Variants in MTMR1 observed in about 807,000 individuals in gnomAD.
MTMR1 encodes the protein phosphatidylinositol-3-phosphate phosphatase MTMR1.
MTMR1 carries 17 observed loss-of-function variants against 51.6 expected under a neutral mutation model. The ratio of observed to expected loss-of-function variants is 0.33; its 90% confidence interval spans 0.23 to 0.49. The LOEUF (loss-of-function observed/expected upper bound fraction) is 0.49. MTMR1 is among the 20% of genes least tolerant of loss of function. The probability of loss-of-function intolerance (pLI) is 0.99; values close to 1 mark genes in which losing one functional copy is unlikely to be tolerated. For synonymous variants in MTMR1, 201 were observed against 205.6 expected (o/e 0.98, Z 0.19); for missense variants, 386 against 526.9 (o/e 0.73, Z 2.62).
intron 12 of MTMR1, among the ~76,000 whole-genome samples, chrX:150,738,189 A>G (rs2042330882): frequency 8.9e-6 from 1 of 112,048 alleles, no homozygotes; most frequent in Admixed American, 9.4e-5. Flanking sequence ...CTTCATATAC[A>G]TTTGCCTTTT....
intron 1 of MTMR1, among the ~76,000 whole-genome samples, chrX:150,694,058 CCTCTT>C (rs1211785920): frequency 9.0e-6 from 1 of 111,697 alleles, no homozygotes; most frequent in Admixed American, 9.4e-5. Context: ...CCCGGGCTCT[CCTCTT>C]CTAGCATCAC....
chrX:150,702,675 C>T (rs2040958966), intron 2 of MTMR1, among the ~76,000 whole-genome samples: 1 of 111,400 alleles, frequency 9.0e-6, no homozygotes, highest in Admixed American at 9.5e-5. Flanking sequence ...GCACATCAGG[C>T]TTGTGATTTA....
chrX:150,735,092 A>G (rs1557417110), intron 10 of MTMR1, among the ~76,000 whole-genome samples: 1 of 112,124 alleles, frequency 8.9e-6, no homozygotes, highest in Non-Finnish European at 1.9e-5. Flanking sequence ...TGATGCAGCT[A>G]GAAGCTGAGG....
At chrX:150,754,659 T>C (rs782624181) in intron 14 of MTMR1, among the ~76,000 whole-genome samples, 152 of 112,136 alleles carry the variant, frequency 1.4e-3, no homozygotes, top group Non-Finnish European at 2.5e-3. Context: ...CCACAGCACA[T>C]TGTCCTCCAG....
intron 15 of MTMR1, among the ~76,000 whole-genome samples, chrX:150,757,779 G>T (rs1477469872): frequency 8.9e-6 from 1 of 112,102 alleles, no homozygotes; most frequent in African/African-American, 3.2e-5. Flanking sequence ...CACTAGCCAG[G>T]GAGCTGCTGG....
chrX:150,703,744 A>G (rs1364132264), intron 2 of MTMR1, among the ~76,000 whole-genome samples: 2 of 112,111 alleles, frequency 1.8e-5, no homozygotes, highest in African/African-American at 6.5e-5. Flanking sequence ...TCTGTAATCT[A>G]TAGCCTGGCC....
chrX:150,743,341 C>T (rs1328392341), intron 12 of MTMR1, among the ~76,000 whole-genome samples: 2 of 111,345 alleles, frequency 1.8e-5, no homozygotes, highest in Non-Finnish European at 3.8e-5. Flanking sequence ...TTAGAGGCTG[C>T]AGCAGGCTAT....
chrX:150,695,970 T>C (rs1297582661), intron 1 of MTMR1, among the ~76,000 whole-genome samples: 1 of 111,741 alleles, frequency 8.9e-6, no homozygotes, highest in Non-Finnish European at 1.9e-5. Context: ...ACCTCAGCTT[T>C]CTAGCGTGTG....
In MTMR1 at chrX:150,699,238, G is replaced by A. The variant is rs2040817273; in HGVS notation, c.190G>A (p.Ala64Thr). Residue 64 changes from alanine to threonine, a missense_variant, in exon 2 of 16, where the codon GCT (alanine) becomes ACT (threonine). Transcript: ENST00000445323. ...TGAATGGTGTAAACAGCTTATAGCT[G>A]CTACAATTTCTAGTCAGATTTCAGG... ...HVEWCKQLIA[A>T]TISSQISGSV... 3.3e-6 allele frequency: 4 copies of A among 1,205,306 alleles called. No individual in the cohort carries two copies. Among genetic ancestry groups the A allele is most frequent in the Non-Finnish European group, 4.5e-6 (4 of 892,611 alleles).
chrX:150,750,678 A>T, intron 13 of MTMR1, 52 bp from the exon 14 acceptor site: 1 of 789,979 alleles, frequency 1.3e-6, no homozygotes, highest in Admixed American at 2.9e-5. Context: ...AAGTAATATT[A>T]CTTTTAGAAA....
At chrX:150,738,961 T>C (rs1557417250) in intron 12 of MTMR1, among the ~76,000 whole-genome samples, 1 of 112,399 alleles carries the variant, frequency 8.9e-6, no homozygotes, top group Non-Finnish European at 1.9e-5. Context: ...TTCTGGTCTG[T>C]CTAGGCCATT....
At chrX:150,724,432 G>A (rs1307139501) in intron 4 of MTMR1, among the ~76,000 whole-genome samples, 1 of 110,158 alleles carries the variant, frequency 9.1e-6, no homozygotes, top group Non-Finnish European at 1.9e-5. Context: ...CTTTTTAATG[G>A]GGTTGTTTGT....
intron 15 of MTMR1, 76 bp from the exon 16 acceptor site, chrX:150,762,489 C>A: frequency 8.6e-7 from 1 of 1,163,972 alleles, no homozygotes; most frequent in Non-Finnish European, 1.2e-6. Flanking sequence ...GCTCCTGAAG[C>A]CAACAGCATC....
chrX:150,745,440 T>A (rs2042551177), intron 13 of MTMR1, among the ~76,000 whole-genome samples: 1 of 111,903 alleles, frequency 8.9e-6, no homozygotes, highest in Non-Finnish European at 1.9e-5. Flanking sequence ...TGCTCTTGAT[T>A]GATCCTCCCG....
At chrX:150,753,294 C>T (rs1452186217) in intron 14 of MTMR1, among the ~76,000 whole-genome samples, 1 of 112,120 alleles carries the variant, frequency 8.9e-6, no homozygotes, top group Non-Finnish European at 1.9e-5. Flanking sequence ...GCTACTATAA[C>T]TATTCATGTA....
chrX:150,707,181 G>T (rs1162746891), intron 2 of MTMR1, among the ~76,000 whole-genome samples: 1 of 111,500 alleles, frequency 9.0e-6, no homozygotes, highest in Admixed American at 9.5e-5. Flanking sequence ...AGGATCTGGG[G>T]CTAGGTAAAT....
chrX:150,733,534 C>T (rs1259445032), intron 10 of MTMR1, among the ~76,000 whole-genome samples: 3 of 110,200 alleles, frequency 2.7e-5, no homozygotes, highest in East Asian at 2.8e-4. Context: ...ACAAACCCTC[C>T]GTATATTCCA....
At chrX:150,760,888 C>T (rs1312504820) in intron 15 of MTMR1, among the ~76,000 whole-genome samples, 1 of 105,885 alleles carries the variant, frequency 9.4e-6, no homozygotes, top group Non-Finnish European at 1.9e-5. Context: ...GATCGTGCCG[C>T]TGCACTCCAG....
chrX:150,755,707 A>G lies in MTMR1; in HGVS notation c.1699A>G (p.Ile567Val). Residue 567 changes from isoleucine (I) to valine (V), a missense_variant, in exon 15 of 16, where the codon ATA becomes GTA. Transcript: ENST00000445323. ...RFKEDVYTKTISLWSYINSQL... is the reference protein window; with the variant it reads ...RFKEDVYTKTVSLWSYINSQL... Reference sequence around the variant, plus strand: ...TTTTCAGGATGTATATACAAAGACGATATCTTTATGGTCGTATATCAATAG... The same window carrying G: ...TTTTCAGGATGTATATACAAAGACGGTATCTTTATGGTCGTATATCAATAG... The G allele has an allele frequency of 8.4e-7, 1 of 1,186,117 alleles. No individual in the cohort carries two copies. Among genetic ancestry groups the G allele is most frequent in the Non-Finnish European group, 1.1e-6 (1 of 886,829 alleles).
Sources: gnomAD v4.1 joint callset for allele counts (sites outside exome capture counted in the v4.1 genomes callset) on GRCh38, gnomAD v4.1.1 for gene constraint, MANE v1.5 for transcripts, NCBI Gene and HGNC (gene_info 2026-07-23, HGNC 2026-07-21) for gene names.